Variants in IQCB1 observed in about 807,000 individuals in gnomAD.
IQCB1 encodes IQ motif containing B1.
IQCB1 carries 56 observed loss-of-function variants against 84.4 expected under a neutral mutation model. The ratio of observed to expected loss-of-function variants is 0.66; its 90% CI spans 0.54 to 0.83. The LOEUF is 0.83. IQCB1 is among the 40% of genes least tolerant of loss of function. The probability of loss-of-function intolerance (pLI) is 0.00; values close to 1 mark genes in which losing one functional copy is unlikely to be tolerated. For synonymous variants in IQCB1, 210 were observed against 234.8 expected, an observed-to-expected ratio of 0.89 and a Z score of 0.96; for missense variants, 629 against 682.1, an observed-to-expected ratio of 0.92 and a Z score of 0.87.
intron 5 of IQCB1, among the ~76,000 whole-genome samples, chr3:121,819,788 T>G (rs939518773): frequency 1.3e-5 from 2 of 152,170 alleles, no homozygotes; most frequent in African/African-American, 4.8e-5. Context: ...GCCATCTAGA[T>G]AATGTTAAGT....
chr3:121,800,730 C>A (rs1949374737), intron 7 of IQCB1, among the ~76,000 whole-genome samples: 1 of 151,868 alleles, frequency 6.6e-6, no homozygotes, highest in Admixed American at 6.6e-5. Context: ...AGTTTAAATG[C>A]TTTTAGATGC....
At chr3:121,777,757 T>A (rs1402438725) in intron 13 of IQCB1, among the ~76,000 whole-genome samples, 1 of 152,214 alleles carries the variant, frequency 6.6e-6, no homozygotes, top group Non-Finnish European at 1.5e-5. Context: ...TAACATCTGT[T>A]GTTTTTGACT....
chr3:121,827,190 A>G (rs892728200), intron 4 of IQCB1, among the ~76,000 whole-genome samples: 4 of 152,086 alleles, frequency 2.6e-5, no homozygotes, highest in African/African-American at 7.2e-5. Context: ...ATTCTCACTT[A>G]TAAGTGAGAA....
intron 5 of IQCB1, among the ~76,000 whole-genome samples, chr3:121,816,755 A>G (rs1950077826): frequency 6.6e-6 from 1 of 152,210 alleles, no homozygotes; most frequent in Non-Finnish European, 1.5e-5. Flanking sequence ...TTAAAAAGTC[A>G]GGAAACAACA....
At chr3:121,809,828 G>A (rs1463637524) in intron 5 of IQCB1, among the ~76,000 whole-genome samples, 1 of 151,760 alleles carries the variant, frequency 6.6e-6, no homozygotes, top group African/African-American at 2.4e-5. Context: ...CAAAAGTAAT[G>A]ATGAGACCCG....
intron 2 of IQCB1, among the ~76,000 whole-genome samples, chr3:121,830,963 A>G (rs1032978468): frequency 6.6e-6 from 1 of 152,158 alleles, no homozygotes; most frequent in Non-Finnish European, 1.5e-5. Context: ...TTTTTGTCCA[A>G]TCACATTTCC....
At chr3:121,791,533 A>G (rs1440864451) in intron 10 of IQCB1, among the ~76,000 whole-genome samples, 1 of 152,212 alleles carries the variant, frequency 6.6e-6, no homozygotes, top group Admixed American at 6.5e-5. Context: ...TATGTGTGTC[A>G]AAAGATTCCA....
chr3:121,815,574 C>A (rs1397288123), intron 5 of IQCB1, among the ~76,000 whole-genome samples: 1 of 152,016 alleles, frequency 6.6e-6, no homozygotes, highest in South Asian at 2.1e-4. Context: ...AGATACAAAA[C>A]CAATCTGCAA....
At chr3:121,821,174 C>T (rs1285470402) in intron 5 of IQCB1, among the ~76,000 whole-genome samples, 2 of 151,956 alleles carry the variant, frequency 1.3e-5, no homozygotes, top group Admixed American at 1.3e-4. Context: ...CTATGTTGCC[C>T]AGGTTGGTCT....
intron 11 of IQCB1, among the ~76,000 whole-genome samples, chr3:121,789,501 G>A (rs1041214167): frequency 1.3e-5 from 2 of 152,114 alleles, no homozygotes; most frequent in African/African-American, 4.8e-5. Flanking sequence ...ACAGGAATAA[G>A]GTGAGGATGG....
intron 5 of IQCB1, among the ~76,000 whole-genome samples, chr3:121,819,052 T>C (rs988407357): frequency 6.6e-6 from 1 of 152,196 alleles, no homozygotes; most frequent in Non-Finnish European, 1.5e-5. Context: ...AATTTCTCCA[T>C]GAACTAGGGG....
At chr3:121,772,467 T>C in intron 14 of IQCB1, 90 bp downstream of exon 14, 2 of 1,294,980 alleles carry the variant, frequency 1.5e-6, no homozygotes, top group South Asian at 1.2e-5. Context: ...CTAAAGATGC[T>C]TAGTAATGGT....
At position 121,828,951 on chromosome 3, in the gene IQCB1, T is replaced by G; in HGVS notation, c.10A>C (p.Thr4Pro). 1 of 1,607,260 alleles carries G rather than the reference T, an allele frequency of 6.2e-7. No homozygotes were observed. Among genetic ancestry groups the G allele is most frequent in the South Asian group, 1.1e-5 (1 of 90,894 alleles). Reference sequence around the variant, plus strand: ...GATAAGATCCTTGGGTCTGTACCTGTTGGCTTCATTTCTCTTATTACCTAT... The same window carrying G: ...GATAAGATCCTTGGGTCTGTACCTGGTGGCTTCATTTCTCTTATTACCTAT... MKPTGTDPRILSIA... is the reference protein window; with the variant it reads MKPPGTDPRILSIA... The change falls in exon 3 of 15, where the codon ACA becomes CCA. Residue 4 changes from threonine to proline, a missense_variant. Thr to Pro is a conservative substitution (Grantham distance 38, BLOSUM62 -1). Transcript: ENST00000310864.
chr3:121,808,152 T>G (rs1038546255), intron 6 of IQCB1, among the ~76,000 whole-genome samples: 3 of 151,988 alleles, frequency 2.0e-5, no homozygotes, highest in South Asian at 2.1e-4. Context: ...TTATACTAAC[T>G]GAACGTAGTT....
intron 5 of IQCB1, among the ~76,000 whole-genome samples, chr3:121,814,553 T>C (rs543775197): frequency 6.6e-6 from 1 of 152,122 alleles, no homozygotes; most frequent in East Asian, 1.9e-4. Context: ...AAGAATCAGA[T>C]AGACACAATA....
intron 12 of IQCB1, among the ~76,000 whole-genome samples, chr3:121,783,953 A>G (rs959178518): frequency 1.7e-4 from 26 of 152,146 alleles, no homozygotes; most frequent in Non-Finnish European, 2.6e-4. Context: ...TTAGCTTCCA[A>G]TGTTCCTGTC....
chr3:121,801,973 C>T (rs1014984424), intron 7 of IQCB1, among the ~76,000 whole-genome samples: 10 of 151,692 alleles, frequency 6.6e-5, no homozygotes, highest in Non-Finnish European at 1.2e-4. Flanking sequence ...CCCTGAATGC[C>T]GGGATAAACC....
intron 5 of IQCB1, among the ~76,000 whole-genome samples, chr3:121,822,101 T>C (rs1265769262): frequency 6.6e-6 from 1 of 152,234 alleles, no homozygotes; most frequent in Non-Finnish European, 1.5e-5. Flanking sequence ...ATCTCGAGTC[T>C]GCTGGCATTT....
At chr3:121,781,651 A>G in intron 13 of IQCB1, 92 bp downstream of exon 13, 1 of 950,976 alleles carries the variant, frequency 1.1e-6, no homozygotes, top group Non-Finnish European at 1.6e-6. Flanking sequence ...ACACACACAC[A>G]CACACACACA....
Sources: gnomAD v4.1 joint callset for allele counts (sites outside exome capture counted in the v4.1 genomes callset) on GRCh38, gnomAD v4.1.1 for gene constraint, MANE v1.5 for transcripts, NCBI Gene and HGNC (gene_info 2026-07-23, HGNC 2026-07-21) for gene names.